Variants in ST6GAL2 observed in about 807,000 individuals in gnomAD.
ST6GAL2 encodes beta-galactoside alpha-2,6-sialyltransferase 2.
A neutral mutation model predicts 37.5 loss-of-function variants in ST6GAL2; 24 were observed. The ratio of observed to expected loss-of-function variants is 0.64; its 90% CI spans 0.46 to 0.90. ST6GAL2 has a LOEUF of 0.90. Ranked by LOEUF, ST6GAL2 falls within the 40% of genes least tolerant of loss-of-function variation. ST6GAL2 has a pLI of 0.00. For missense variants in ST6GAL2, 715 were observed against 712.7 expected (o/e 1.00, Z -0.04); for synonymous variants, 306 against 295.1 (o/e 1.04, Z -0.38).
intron 1 of ST6GAL2, among the ~76,000 whole-genome samples, chr2:106,846,062 C>T (rs1370539650): frequency 8.4e-6 from 1 of 119,514 alleles, no homozygotes. Context: ...CCCAGCCATC[C>T]CAGCCCAGGC....
intron 1 of ST6GAL2, among the ~76,000 whole-genome samples, chr2:106,847,180 C>T (rs1677179172): frequency 6.6e-6 from 1 of 152,150 alleles, no homozygotes; most frequent in Non-Finnish European, 1.5e-5. Context: ...TGGCATTGTA[C>T]AATTGCTATA....
At position 106,844,037 on chromosome 2, in the gene ST6GAL2, G is replaced by T; in HGVS notation, c.-57-3C>A. On this transcript the variant is annotated splice_polypyrimidine_tract_variant and splice_region_variant and intron_variant, in intron 1 of 5. Transcript: ENST00000409382. ...TGCAGATGGGTGGCAGAATGAACCT[G>T]AAAAACAGCCAGATGGCAGTTAGCC... 1 of 1,410,328 alleles carries T rather than the reference G, an allele frequency of 7.1e-7. No individual in the cohort carries two copies. Among genetic ancestry groups the T allele is most frequent in the South Asian group, 1.4e-5 (1 of 73,900 alleles). 87.4% of individuals were successfully genotyped at this position (1,410,328 alleles called of 1,614,324 possible). A position where few individuals can be genotyped will look rare whatever the true frequency, so the allele number is the denominator to read the frequency against.
At chr2:106,826,784 T>G (rs1573226675) in intron 5 of ST6GAL2, among the ~76,000 whole-genome samples, 1 of 152,144 alleles carries the variant, frequency 6.6e-6, no homozygotes, top group African/African-American at 2.4e-5. Context: ...CAGTAAAGGT[T>G]TCAGCCAAAA....
chr2:106,828,639 C>G (rs901456214), intron 5 of ST6GAL2, among the ~76,000 whole-genome samples: 1 of 152,094 alleles, frequency 6.6e-6, no homozygotes. Flanking sequence ...ATAACCAAAC[C>G]AATGTTATCT....
At chr2:106,819,455 T>C (rs1165165883) in intron 5 of ST6GAL2, among the ~76,000 whole-genome samples, 2 of 152,038 alleles carry the variant, frequency 1.3e-5, no homozygotes, top group Admixed American at 1.3e-4. Flanking sequence ...GCATGACATA[T>C]TTAAAGTGCA....
chr2:106,812,105 G>A (rs996847213), intron 5 of ST6GAL2, among the ~76,000 whole-genome samples: 5 of 152,206 alleles, frequency 3.3e-5, no homozygotes, highest in East Asian at 3.9e-4. Flanking sequence ...ATTAGGTCAC[G>A]TGAGTGGAGC....
chr2:106,820,429 T>C (rs1432128368), intron 5 of ST6GAL2, among the ~76,000 whole-genome samples: 1 of 152,026 alleles, frequency 6.6e-6, no homozygotes, highest in Admixed American at 6.6e-5. Context: ...CAAGAAGATA[T>C]AGCAATTGTA....
intron 1 of ST6GAL2, among the ~76,000 whole-genome samples, chr2:106,846,268 G>A (rs7606564): frequency 0.018 from 2,767 of 152,214 alleles, 59 homozygotes; most frequent in South Asian, 0.086. Context: ...TATTTGTTTT[G>A]TTTGAGATGT....
intron 2 of ST6GAL2, chr2:106,834,483 G>T (rs1676552332): frequency 9.0e-6 from 2 of 222,258 alleles, no homozygotes; most frequent in South Asian, 1.4e-4. Flanking sequence ...AATACATCTT[G>T]AGGGAGACTG....
chr2:106,845,165 G>T (rs937264964), intron 1 of ST6GAL2, among the ~76,000 whole-genome samples: 5 of 152,164 alleles, frequency 3.3e-5, no homozygotes, highest in African/African-American at 1.2e-4. Flanking sequence ...GTGTGTCTGT[G>T]GCTATGATGG....
intron 2 of ST6GAL2, among the ~76,000 whole-genome samples, chr2:106,841,678 G>A (rs182922918): frequency 1.3e-5 from 2 of 152,298 alleles, no homozygotes; most frequent in East Asian, 3.9e-4. Context: ...TCTCTGGCAA[G>A]ACAGGGTGAG....
chr2:106,834,118 G>A lies in ST6GAL2; in HGVS notation c.972C>T (p.Asn324=). ...IDSHDAVLRF[N]SAPTRGYEKD... is the part of the protein sequence containing the mutation. ...TCTCATAACCACGTGTAGGAGCAGA[G>A]TTAAATCTCAAAACCGCATCATGAG... The change falls in exon 3 of 6, where the codon AAC becomes AAT. Residue 324 remains asparagine, a synonymous_variant. Transcript: ENST00000409382. The A allele has an allele frequency of 6.2e-7, 1 of 1,613,718 alleles. No individual in the cohort carries two copies.
At chr2:106,885,157 A>G (rs1412296530) in intron 1 of ST6GAL2, among the ~76,000 whole-genome samples, 1 of 151,776 alleles carries the variant, frequency 6.6e-6, no homozygotes, top group Non-Finnish European at 1.5e-5. Context: ...CTTCCAGCCC[A>G]CCAAAGACCC....
chr2:106,832,856 CT>C (rs201326989), intron 3 of ST6GAL2, among the ~76,000 whole-genome samples, 190 bp from the exon 4 acceptor site: 1 of 152,166 alleles, frequency 6.6e-6, no homozygotes, highest in Non-Finnish European at 1.5e-5. Flanking sequence ...GAGGAAATTA[CT>C]TTTTTTTAAA....
rs1207673161 is a variant in ST6GAL2 at position 106,803,115 on chromosome 2, G to A, written c.*3563C>T. The A allele has an allele frequency of 6.6e-6, 1 of 152,198 alleles. No homozygotes were observed. Among genetic ancestry groups the A allele is most frequent in the Non-Finnish European group, 1.5e-5 (1 of 68,048 alleles). The allele number at this position is 152,198 out of a possible 1,614,324, so 9.4% of individuals were successfully genotyped here. ...TTAACTGGCTCATACACATGTAAGAGAGTGACCCAGCTACTTTGATTTCCT... is the reference window on the plus strand; with the variant it reads ...TTAACTGGCTCATACACATGTAAGAAAGTGACCCAGCTACTTTGATTTCCT... On this transcript the variant is annotated 3_prime_UTR_variant, in exon 6 of 6. Transcript: ENST00000409382.
intron 1 of ST6GAL2, among the ~76,000 whole-genome samples, chr2:106,851,071 C>T (rs927764738): frequency 6.6e-6 from 1 of 152,214 alleles, no homozygotes; most frequent in East Asian, 1.9e-4. Context: ...TATACTCATA[C>T]TGGATTGGGT....
At chr2:106,855,618 A>G (rs1180073669) in intron 1 of ST6GAL2, among the ~76,000 whole-genome samples, 1 of 152,202 alleles carries the variant, frequency 6.6e-6, no homozygotes, top group Admixed American at 6.5e-5. Flanking sequence ...GGAAGTAAAT[A>G]TGGCAAAATA....
At chr2:106,868,799 T>C (rs1230210907) in intron 1 of ST6GAL2, among the ~76,000 whole-genome samples, 1 of 152,118 alleles carries the variant, frequency 6.6e-6, no homozygotes, top group Non-Finnish European at 1.5e-5. Context: ...ATGTCTGAAA[T>C]TGTGCCCCCA....
rs1676977594 is a variant in ST6GAL2 at position 106,843,234 on chromosome 2, C to G, written c.744G>C (p.Arg248Ser). The change falls in exon 2 of 6, where the codon AGG becomes AGC. Residue 248 changes from arginine (R) to serine (S), a missense_variant. Physicochemically the swap from Arg to Ser is moderately radical, Grantham distance 110. Transcript: ENST00000409382. ...FRGKREAGLS[R>S]AQLLCQLRSR... is the part of the protein sequence containing the mutation. ...TCCGCAGCTGGCACAGCAGCTGTGC[C>G]CTGCTCAGCCCGGCCTCCCGCTTCC... 1.9e-6 allele frequency: 3 copies of G among 1,578,676 alleles called. No individual in the cohort carries two copies. The highest frequency in any genetic ancestry group is 2.7e-5 in the African/African-American group (2 of 74,420).
Sources: allele counts gnomAD v4.1 joint callset (sites outside exome capture counted in the v4.1 genomes callset), GRCh38; gene constraint gnomAD v4.1.1; transcripts MANE v1.5; gene names NCBI Gene and HGNC (gene_info 2026-07-23, HGNC 2026-07-21).